The following SEMA5A variants were observed in gnomAD, a reference collection of about 807,000 sequenced individuals.
SEMA5A encodes the protein semaphorin-5A.
In SEMA5A, 55 loss-of-function variants were observed where a neutral mutation model predicts 135.5. The ratio of observed to expected loss-of-function variants is 0.41; its 90% CI spans 0.33 to 0.51. The LOEUF (loss-of-function observed/expected upper bound fraction) is 0.51. Ranked by LOEUF, SEMA5A falls within the 20% of genes least tolerant of loss-of-function variation. The pLI is 0.37. For synonymous variants in SEMA5A, 580 were observed against 546.5 expected, an observed-to-expected ratio of 1.06 and a Z score of -0.85; for missense variants, 1,290 against 1,419.9, an observed-to-expected ratio of 0.91 and a Z score of 1.47.
At chr5:9,447,435 G>C (rs562915826) in intron 1 of SEMA5A, among the ~76,000 whole-genome samples, 1 of 152,212 alleles carries the variant, frequency 6.6e-6, no homozygotes, top group African/African-American at 2.4e-5. Context: ...ACATGAAAAA[G>C]AAGACTTTTA....
At chr5:9,388,385 TTA>T (rs1389782647) in intron 2 of SEMA5A, among the ~76,000 whole-genome samples, 1 of 151,988 alleles carries the variant, frequency 6.6e-6, no homozygotes, top group African/African-American at 2.4e-5. Flanking sequence ...AATATTAATT[TTA>T]TCTGTCAGCA....
rs886674438 is a variant in SEMA5A, at chr5:9,104,581, A to G, written c.2073+3559T>C. On this transcript the variant is annotated intron_variant, in intron 16 of 22. Coordinates refer to ENST00000382496, the MANE Select transcript of SEMA5A (RefSeq NM_003966.3). ...TGGCACTGGGCTAGGATATATAGAAATATTAGGTACTATATGTAATCCTCT... is the reference window on the plus strand; with the variant it reads ...TGGCACTGGGCTAGGATATATAGAAGTATTAGGTACTATATGTAATCCTCT... Among the ~76,000 whole-genome samples, 5 of 152,318 alleles carry G rather than the reference A, an allele frequency of 3.3e-5. No individual in the cohort carries two copies. The East Asian group carries it at 9.7e-4, about 29-fold the overall frequency.
chr5:9,081,848 T>C (rs1738404443), intron 16 of SEMA5A, among the ~76,000 whole-genome samples: 1 of 152,210 alleles, frequency 6.6e-6, no homozygotes, highest in South Asian at 2.1e-4. Context: ...GTTGAGTAAG[T>C]ATCTTCTGCT....
At chr5:9,144,174 G>A (rs1453676825) in intron 12 of SEMA5A, among the ~76,000 whole-genome samples, 1 of 152,072 alleles carries the variant, frequency 6.6e-6, no homozygotes, top group African/African-American at 2.4e-5. Context: ...TACCTCCAAA[G>A]TTCACCCTCC....
intron 1 of SEMA5A, among the ~76,000 whole-genome samples, chr5:9,453,006 G>A (rs1473814143): frequency 6.6e-6 from 1 of 152,152 alleles, no homozygotes; most frequent in Non-Finnish European, 1.5e-5. Context: ...AACCACCACA[G>A]ATACTCACTG....
chr5:9,347,969 C>G (rs984302404), intron 3 of SEMA5A, among the ~76,000 whole-genome samples: 1 of 152,178 alleles, frequency 6.6e-6, no homozygotes, highest in Non-Finnish European at 1.5e-5. Context: ...TGTTACCCCA[C>G]GTTTTCAATT....
At chr5:9,270,242 A>G (rs1749901035) in intron 5 of SEMA5A, among the ~76,000 whole-genome samples, 1 of 152,082 alleles carries the variant, frequency 6.6e-6, no homozygotes, top group Non-Finnish European at 1.5e-5. Flanking sequence ...GTGTGATTCC[A>G]CTGGAAGAAG....
chr5:9,352,369 G>T (rs900499665), intron 3 of SEMA5A, among the ~76,000 whole-genome samples: 4 of 151,406 alleles, frequency 2.6e-5, no homozygotes, highest in South Asian at 2.1e-4. Flanking sequence ...TATCTAGCTA[G>T]CTAGCTATCG....
chr5:9,057,486 CCT>C (rs1736956429), intron 18 of SEMA5A, among the ~76,000 whole-genome samples: 1 of 152,196 alleles, frequency 6.6e-6, no homozygotes, highest in Non-Finnish European at 1.5e-5. Flanking sequence ...TCTAATAAAT[CCT>C]CTCTCACACA....
chr5:9,377,908 G>A (rs1755433153), intron 3 of SEMA5A, among the ~76,000 whole-genome samples: 1 of 152,132 alleles, frequency 6.6e-6, no homozygotes, highest in South Asian at 2.1e-4. Flanking sequence ...AAAGGAATAG[G>A]AACATCTTGT....
chr5:9,534,892 T>G (rs1437437214), intron 1 of SEMA5A, among the ~76,000 whole-genome samples: 2 of 152,216 alleles, frequency 1.3e-5, no homozygotes, highest in Non-Finnish European at 2.9e-5. Context: ...TAAAAATGCC[T>G]TTCAGGATTT....
intron 14 of SEMA5A, among the ~76,000 whole-genome samples, chr5:9,121,679 G>A (rs2150183211): frequency 6.6e-6 from 1 of 151,726 alleles, no homozygotes; most frequent in Middle Eastern, 3.4e-3. Context: ...ATATGCCTGT[G>A]TCCCCTGTAA....
At chr5:9,530,729 G>A (rs1364569683) in intron 1 of SEMA5A, among the ~76,000 whole-genome samples, 2 of 152,162 alleles carry the variant, frequency 1.3e-5, no homozygotes, top group Admixed American at 1.3e-4. Context: ...TCTATAGTGG[G>A]CAGTAGAAGC....
chr5:9,177,992 A>G (rs909531712), intron 11 of SEMA5A, among the ~76,000 whole-genome samples: 3 of 152,256 alleles, frequency 2.0e-5, no homozygotes, highest in African/African-American at 7.2e-5. Context: ...ATGACAGTAC[A>G]TCAGATAAAT....
At chr5:9,221,515 G>A (rs375720566) in intron 8 of SEMA5A, among the ~76,000 whole-genome samples, 23 of 151,816 alleles carry the variant, frequency 1.5e-4, no homozygotes, top group South Asian at 6.2e-4. Context: ...TGTTAGCCAG[G>A]ATGGTCTCGA....
chr5:9,528,935 C>T (rs1189551675), intron 1 of SEMA5A, among the ~76,000 whole-genome samples: 1 of 152,180 alleles, frequency 6.6e-6, no homozygotes, highest in Non-Finnish European at 1.5e-5. Context: ...TTCAGGAGAA[C>T]CTGGCTCCAG....
rs760482356 is a variant in SEMA5A at position 9,318,434 on chromosome 5, CAG to C, written c.225-19_225-18del. On this transcript the variant is annotated intron_variant, in intron 4 of 22. Coordinates refer to ENST00000382496, the MANE Select transcript of SEMA5A (RefSeq NM_003966.3). ...AGGTAGTTTCTGCAAAATACAAAAA[CAG>C]AGCAGTTTTATTTTTAATAGATCAC... The C allele has an allele frequency of 1.1e-5, 17 of 1,605,716 alleles. No individual in the cohort carries two copies. The highest frequency in any genetic ancestry group is 6.8e-5 in the Admixed American group (4 of 59,108).
Position 9,219,090 on chromosome 5 carries a change from T to G in SEMA5A, c.646+5584A>C, listed in dbSNP as rs1746790539. On this transcript the variant is annotated intron_variant, in intron 8 of 22. Transcript: ENST00000382496. ...GAAGCCAAGAACCAGTAAGACAAAT[T>G]TATGCCCCAAGGGCCAAGCCTCAGA... 2.0e-5 allele frequency among the ~76,000 whole-genome samples: 3 copies of G among 152,188 alleles called. No homozygotes were observed. In the South Asian group the frequency reaches 6.2e-4, roughly 31 times the overall value.
intron 5 of SEMA5A, among the ~76,000 whole-genome samples, chr5:9,295,986 C>T (rs998239556): frequency 2.0e-5 from 3 of 152,128 alleles, no homozygotes; most frequent in African/African-American, 7.2e-5. Context: ...CACTTTGTCT[C>T]CATATGCCAA....
Sources: gnomAD v4.1 joint callset for allele counts (sites outside exome capture counted in the v4.1 genomes callset) on GRCh38, gnomAD v4.1.1 for gene constraint, MANE v1.5 for transcripts, NCBI Gene and HGNC (gene_info 2026-07-23, HGNC 2026-07-21) for gene names.